Variants in LRBA observed in about 807,000 individuals in gnomAD.
LRBA encodes lipopolysaccharide-responsive and beige-like anchor protein.
Under a neutral mutation model 330.0 loss-of-function variants are expected in LRBA, and 176 were observed. The observed-to-expected ratio is 0.53, with a 90% CI of 0.47 to 0.60. The LOEUF is 0.60. LRBA is among the 20% of genes least tolerant of loss of function. LRBA has a pLI of 0.00. For synonymous variants in LRBA, 1,230 were observed against 1,193.0 expected, an observed-to-expected ratio of 1.03 and a Z score of -0.64; for missense variants, 3,259 against 3,444.8, an observed-to-expected ratio of 0.95 and a Z score of 1.35.
chr4:150,895,551 G>A (rs1729972776), intron 16 of LRBA, among the ~76,000 whole-genome samples: 1 of 151,992 alleles, frequency 6.6e-6, no homozygotes, highest in Non-Finnish European at 1.5e-5. Flanking sequence ...TTTTGTCCTT[G>A]CAATAGTTTG....
chr4:150,615,503 G>T (rs1775687480), intron 37 of LRBA, among the ~76,000 whole-genome samples: 1 of 152,108 alleles, frequency 6.6e-6, no homozygotes, highest in East Asian at 1.9e-4. Flanking sequence ...ATTGAAGGTT[G>T]AGTCAAAAGA....
intron 55 of LRBA, among the ~76,000 whole-genome samples, chr4:150,280,146 G>C (rs1410811200): frequency 6.6e-6 from 1 of 152,162 alleles, no homozygotes; most frequent in African/African-American, 2.4e-5. Flanking sequence ...TCTTTCAGGA[G>C]AGGCCAAATT....
At chr4:150,912,269 A>C (rs576278393) in intron 9 of LRBA, among the ~76,000 whole-genome samples, 2 of 152,164 alleles carry the variant, frequency 1.3e-5, no homozygotes, top group South Asian at 4.1e-4. Flanking sequence ...CTTCATCTGT[A>C]TTTACAGCCA....
At chr4:150,751,933 T>C (rs1049195946) in intron 35 of LRBA, among the ~76,000 whole-genome samples, 1 of 152,164 alleles carries the variant, frequency 6.6e-6, no homozygotes, top group African/African-American at 2.4e-5. Context: ...CCAATATTAC[T>C]GCTCTGTTTC....
intron 40 of LRBA, among the ~76,000 whole-genome samples, chr4:150,500,441 G>T (rs1760121206): frequency 6.6e-6 from 1 of 152,034 alleles, no homozygotes; most frequent in East Asian, 1.9e-4. Context: ...GCTGAGTCTG[G>T]TGGCGGGCGC....
At chr4:150,310,662 T>C (rs1021193863) in intron 51 of LRBA, 6 of 280,770 alleles carry the variant, frequency 2.1e-5, no homozygotes, top group African/African-American at 6.6e-5. Flanking sequence ...TTTCTAGCTC[T>C]TGGGCAGAAC....
chr4:150,381,592 T>C (rs1345522274), intron 47 of LRBA, among the ~76,000 whole-genome samples: 5 of 152,238 alleles, frequency 3.3e-5, no homozygotes, highest in Non-Finnish European at 7.3e-5. Context: ...TAATCCATTA[T>C]TAATTATTTG....
At chr4:150,473,139 C>T (rs1756340818) in intron 42 of LRBA, among the ~76,000 whole-genome samples, 2 of 152,052 alleles carry the variant, frequency 1.3e-5, no homozygotes, top group Admixed American at 6.6e-5. Context: ...CCAATACTTG[C>T]TCTTGTGTGT....
At chr4:150,558,144 C>T (rs1484369201) in intron 40 of LRBA, among the ~76,000 whole-genome samples, 4 of 152,136 alleles carry the variant, frequency 2.6e-5, no homozygotes, top group Admixed American at 2.0e-4. Context: ...AATGATCCAC[C>T]TGCCTTGGCC....
At chr4:150,867,618 C>T in intron 22 of LRBA, 53 bp downstream of exon 22, 1 of 1,399,274 alleles carries the variant, frequency 7.1e-7, no homozygotes, top group South Asian at 1.6e-5. Flanking sequence ...GACTAAAATT[C>T]AAAAATTATA....
chr4:150,848,719 A>G, intron 26 of LRBA, 99 bp downstream of exon 26: 1 of 929,216 alleles, frequency 1.1e-6, no homozygotes, highest in Non-Finnish European at 1.7e-6. Flanking sequence ...TAGCTAACAT[A>G]TATTTTCTCA....
At chr4:150,402,123 T>C (rs1745560147) in intron 47 of LRBA, among the ~76,000 whole-genome samples, 1 of 143,708 alleles carries the variant, frequency 7.0e-6, no homozygotes, top group African/African-American at 2.6e-5. Flanking sequence ...ATGCCATCTC[T>C]ACTAAAAAAA....
At chr4:150,836,554 T>G (rs977799857) in intron 28 of LRBA, among the ~76,000 whole-genome samples, 1 of 152,222 alleles carries the variant, frequency 6.6e-6, no homozygotes, top group South Asian at 2.1e-4. Context: ...ATTTATCCAT[T>G]TCTTCTAGAT....
At chr4:150,767,308 A>G (rs1735888603) in intron 34 of LRBA, among the ~76,000 whole-genome samples, 2 of 152,182 alleles carry the variant, frequency 1.3e-5, no homozygotes, top group Non-Finnish European at 2.9e-5. Flanking sequence ...TCAATTTTAA[A>G]AGTAATTCCC....
In LRBA at chr4:150,697,325, G is replaced by GA. The variant is rs60145657; in HGVS notation, c.5755-13609dup. Among the ~76,000 whole-genome samples the GA allele has an allele frequency of 5.3e-3, 148 of 28,048 alleles. 39 individuals are homozygous for GA. The East Asian group carries it at 0.084, about 16-fold the overall frequency. The allele number at this position is 28,048 out of a possible 152,430, so 18.4% of individuals were successfully genotyped here. On this transcript the variant is annotated intron_variant, in intron 36 of 56. Transcript: ENST00000651943. ...GGTGACAGAGTGAGACTTTGTCTCA[G>GA]AAAAAAAAAAAAAAAAAAAAAAAAA...
intron 20 of LRBA, among the ~76,000 whole-genome samples, chr4:150,868,903 A>T (rs1343974808): frequency 6.6e-6 from 1 of 152,182 alleles, no homozygotes; most frequent in Non-Finnish European, 1.5e-5. Flanking sequence ...GTGCCACTGC[A>T]CCCCAGCCTA....
At chr4:150,278,905 A>G (rs990146491) in intron 55 of LRBA, among the ~76,000 whole-genome samples, 1 of 151,772 alleles carries the variant, frequency 6.6e-6, no homozygotes, top group Non-Finnish European at 1.5e-5. Context: ...GCTCACTACA[A>G]TCTCCACCTC....
intron 40 of LRBA, among the ~76,000 whole-genome samples, chr4:150,525,100 C>T (rs1377593205): frequency 6.6e-6 from 1 of 152,026 alleles, no homozygotes; most frequent in Non-Finnish European, 1.5e-5. Context: ...GATTTCAATT[C>T]TATATGTACT....
chr4:150,693,805 T>C (rs1784371089), intron 36 of LRBA, among the ~76,000 whole-genome samples: 1 of 152,028 alleles, frequency 6.6e-6, no homozygotes, highest in South Asian at 2.1e-4. Context: ...TAAAGTTAGG[T>C]TTTCAGAGTA....
Sources: gnomAD v4.1 joint callset for allele counts (sites outside exome capture counted in the v4.1 genomes callset) on GRCh38, gnomAD v4.1.1 for gene constraint, MANE v1.5 for transcripts, NCBI Gene and HGNC (gene_info 2026-07-23, HGNC 2026-07-21) for gene names.